Variants in ZDHHC11B observed in about 807,000 individuals in gnomAD.
ZDHHC11B encodes zDHHC palmitoyltransferase 11B (putative).
ZDHHC11B carries 17 observed loss-of-function variants against 42.3 expected under a neutral mutation model. The observed-to-expected ratio is 0.40, with a 90% CI of 0.27 to 0.60. The LOEUF (loss-of-function observed/expected upper bound fraction) is 0.60, where lower values mean the gene tolerates loss of function less well. Ranked by LOEUF, ZDHHC11B falls within the 20% of genes least tolerant of loss-of-function variation. The pLI is 0.41. For synonymous variants in ZDHHC11B, 123 were observed against 193.5 expected (o/e 0.64, Z 3.02); for missense variants, 262 against 463.2 (o/e 0.57, Z 3.99).
chr5:747,537 C>T (rs1409585572), intron 8 of ZDHHC11B: 1 of 146,536 alleles, frequency 6.8e-6, no homozygotes, highest in Non-Finnish European at 1.5e-5. Context: ...CAAGGAGGCT[C>T]TTGGTGGGGT....
intron 7 of ZDHHC11B, among the ~76,000 whole-genome samples, chr5:749,380 G>A (rs1265115769): frequency 3.8e-5 from 5 of 130,398 alleles, no homozygotes; most frequent in African/African-American, 1.3e-4. Flanking sequence ...GCAGAGGGTC[G>A]GGCAAGGCAG....
At chr5:772,323 C>T (rs1207703258) in intron 1 of ZDHHC11B, among the ~76,000 whole-genome samples, 87 of 147,446 alleles carry the variant, frequency 5.9e-4, no homozygotes, top group African/African-American at 7.5e-4. Flanking sequence ...TGAGATGGCA[C>T]GCATGAGAGC....
At chr5:764,824 G>T (rs1455481063) in intron 4 of ZDHHC11B, among the ~76,000 whole-genome samples, 1 of 151,910 alleles carries the variant, frequency 6.6e-6, no homozygotes, top group Non-Finnish European at 1.5e-5. Context: ...GGGCTCCTGA[G>T]TCTAGTGGGG....
chr5:770,226 C>A (rs1427364903), intron 1 of ZDHHC11B, among the ~76,000 whole-genome samples: 2 of 150,514 alleles, frequency 1.3e-5, no homozygotes, highest in African/African-American at 2.4e-5. Flanking sequence ...GTGGCGAGGG[C>A]TGAGATGGGC....
chr5:783,600 G>A (rs1181599417), intron 1 of ZDHHC11B, among the ~76,000 whole-genome samples: 1 of 152,170 alleles, frequency 6.6e-6, no homozygotes, highest in East Asian at 1.9e-4. Flanking sequence ...GAGAGGGAAC[G>A]CAACACCCCA....
intron 1 of ZDHHC11B, among the ~76,000 whole-genome samples, chr5:779,152 G>T (rs1736779859): frequency 6.6e-6 from 1 of 151,546 alleles, no homozygotes. Flanking sequence ...TGAGGCTGGG[G>T]CTGCAGTGAT....
rs978225577 is a variant in ZDHHC11B, at chr5:749,463, G to T, written c.629-904C>A. On this transcript the variant is annotated intron_variant, in intron 7 of 13. Coordinates refer to ENST00000508859, the MANE Select transcript of ZDHHC11B (RefSeq NM_001351303.2). ...CTCTCTGGAACTGGCGGCCTTGGGG[G>T]CCTTCCTAGATGGCCCGACGGGACA... Among the ~76,000 whole-genome samples, 31 of 129,992 alleles carry T rather than the reference G, an allele frequency of 2.4e-4. 11 individuals are homozygous for T. The highest frequency in any genetic ancestry group is 2.5e-5 in the African/African-American group (1 of 39,794). The allele number at this position is 129,992 out of a possible 152,430, so 85.3% of individuals were successfully genotyped here.
chr5:748,650 G>C lies in ZDHHC11B; in HGVS notation c.629-91C>G, dbSNP rs1259956152. 7.3e-6 allele frequency: 9 copies of C among 1,240,984 alleles called. 3 individuals carry two copies. Among genetic ancestry groups the C allele is most frequent in the Non-Finnish European group, 8.5e-6 (8 of 936,244 alleles). 76.9% of individuals were successfully genotyped at this position (1,240,984 alleles called of 1,614,324 possible). A position where few individuals can be genotyped will look rare whatever the true frequency, so the allele number is the denominator to read the frequency against. The stretch of plus-strand genomic sequence containing the variant: ...CACAGACCAGAGCTTGCTGGGGATG[G>C]GGCGGCGTGGAGACAGCCAGCACGA... On this transcript the variant is annotated intron_variant, in intron 7 of 13. Transcript: ENST00000508859.
At chr5:776,623 C>A (rs1736512060) in intron 1 of ZDHHC11B, among the ~76,000 whole-genome samples, 1 of 151,884 alleles carries the variant, frequency 6.6e-6, no homozygotes, top group Admixed American at 6.6e-5. Context: ...CATCAAAGAC[C>A]ACAGCGACCC....
At chr5:754,262 C>T (rs796162244) in intron 6 of ZDHHC11B, among the ~76,000 whole-genome samples, 2 of 108,218 alleles carry the variant, frequency 1.8e-5, no homozygotes, top group African/African-American at 3.2e-5. Flanking sequence ...GGAAACACCT[C>T]TCGTCTATGA....
At chr5:745,941 C>G (rs405601) in intron 8 of ZDHHC11B, among the ~76,000 whole-genome samples, 13 of 149,526 alleles carry the variant, frequency 8.7e-5, no homozygotes, top group East Asian at 2.1e-4. Context: ...CCTCTGATGG[C>G]GCTGAGACAG....
chr5:765,862 A>T (rs1735247422), intron 4 of ZDHHC11B, among the ~76,000 whole-genome samples: 1 of 151,924 alleles, frequency 6.6e-6, no homozygotes, highest in South Asian at 2.1e-4. Flanking sequence ...CTGCGGCTTC[A>T]TTCTTGAAGT....
chr5:766,123 A>G (rs1230773000), intron 4 of ZDHHC11B, among the ~76,000 whole-genome samples: 3 of 151,820 alleles, frequency 2.0e-5, no homozygotes, highest in East Asian at 3.8e-4. Context: ...CACATGCCCC[A>G]TGGACATGCA....
intron 12 of ZDHHC11B, among the ~76,000 whole-genome samples, chr5:724,711 T>C (rs566423078): frequency 3.3e-5 from 5 of 151,162 alleles, no homozygotes; most frequent in Admixed American, 6.6e-5. Flanking sequence ...GCATACTATT[T>C]ATTCCCCACC....
At chr5:771,433 G>T (rs1268543516) in intron 1 of ZDHHC11B, among the ~76,000 whole-genome samples, 1 of 151,596 alleles carries the variant, frequency 6.6e-6, no homozygotes, top group East Asian at 1.9e-4. Flanking sequence ...GATCCTGGTG[G>T]GGGCTGGGCC....
intron 12 of ZDHHC11B, among the ~76,000 whole-genome samples, chr5:724,371 A>ATTTTTTTTTTTTTTTTTTTTTTTTTT: frequency 1.2e-5 from 1 of 81,418 alleles, no homozygotes; most frequent in Non-Finnish European, 2.3e-5. Flanking sequence ...AACCCAGCTA[A>ATTTTTTTTTTTTTTTTTTTTTTTTTT]TTTTTTTTTT....
chr5:760,217 G>A (rs779341737), intron 4 of ZDHHC11B, among the ~76,000 whole-genome samples: 1 of 151,830 alleles, frequency 6.6e-6, no homozygotes, highest in Non-Finnish European at 1.5e-5. Flanking sequence ...GGGTCGACTC[G>A]ATCCCCCACA....
intron 2 of ZDHHC11B, 52 bp from the exon 3 acceptor site, chr5:767,576 GT>G: frequency 7.5e-7 from 1 of 1,326,856 alleles, no homozygotes; most frequent in East Asian, 2.4e-5. Flanking sequence ...GAAGGACTCG[GT>G]GTGCAGGCCC....
At chr5:724,690 G>C (rs1697970) in intron 12 of ZDHHC11B, among the ~76,000 whole-genome samples, 27 of 137,698 alleles carry the variant, frequency 2.0e-4, no homozygotes, top group African/African-American at 4.4e-4. Context: ...CACACACACA[G>C]ACACACAGAT....
Sources: gnomAD v4.1 joint callset for allele counts (sites outside exome capture counted in the v4.1 genomes callset) on GRCh38, gnomAD v4.1.1 for gene constraint, MANE v1.5 for transcripts, NCBI Gene and HGNC (gene_info 2026-07-23, HGNC 2026-07-21) for gene names.